TRIM14: variants seen among roughly 807,000 people sequenced by gnomAD.
The protein encoded by TRIM14 is tripartite motif containing 14, also known as tripartite motif-containing protein 14.
Under a neutral mutation model 44.5 loss-of-function variants are expected in TRIM14, and 28 were observed. The observed-to-expected ratio is 0.63, with a 90% confidence interval of 0.47 to 0.86. TRIM14 has a LOEUF of 0.86. Ranked by LOEUF, TRIM14 falls within the 40% of genes least tolerant of loss-of-function variation. The pLI is 0.00. For missense variants in TRIM14, 607 were observed against 611.1 expected (o/e 0.99, Z 0.07); for synonymous variants, 299 against 269.2 (o/e 1.11, Z -1.08).
downstream of TRIM14, among the ~76,000 whole-genome samples, chr9:98,079,626 A>T (rs1295350164): frequency 2.0e-5 from 3 of 152,226 alleles, no homozygotes; most frequent in African/African-American, 7.2e-5. Context: ...TAATGTCGAA[A>T]GTAAACATCC....
At chr9:98,105,336 C>A (rs1194235633) in intron 2 of TRIM14, among the ~76,000 whole-genome samples, 4 of 152,214 alleles carry the variant, frequency 2.6e-5, no homozygotes, top group Non-Finnish European at 5.9e-5. Context: ...GGGCTGAGCC[C>A]CGCCGACTGC....
intron 1 of TRIM14, among the ~76,000 whole-genome samples, chr9:98,114,298 T>C (rs1253765079): frequency 6.6e-6 from 1 of 152,216 alleles, no homozygotes; most frequent in Non-Finnish European, 1.5e-5. Flanking sequence ...ATTTCATCTT[T>C]GACCGTGGCT....
downstream of TRIM14, among the ~76,000 whole-genome samples, chr9:98,079,791 A>G (rs971954297): frequency 1.3e-5 from 2 of 152,178 alleles, no homozygotes; most frequent in African/African-American, 4.8e-5. Flanking sequence ...CTGCCAGCCT[A>G]TCCCATCTTG....
At chr9:98,114,806 C>A (rs1390659057) in intron 1 of TRIM14, among the ~76,000 whole-genome samples, 3 of 152,120 alleles carry the variant, frequency 2.0e-5, no homozygotes, top group African/African-American at 7.2e-5. Flanking sequence ...CTAATAAAAA[C>A]CTGAGGCATT....
rs555827785 is a variant in TRIM14 at position 98,074,039 on chromosome 9, G to T, written c.*29-4352C>A. Among the ~76,000 whole-genome samples the T allele has an allele frequency of 3.9e-5, 6 of 152,208 alleles. No homozygotes were observed. The South Asian group carries it at 1.2e-3, about 32-fold the overall frequency. ...GGGCTAAAATGATCCTCCTGCCTTG[G>T]CCTCCCAAAGTGCTGGGATTACAGG... On this transcript the variant is annotated intron_variant, in intron 6 of 6. Transcript: ENST00000375098.
At chr9:98,081,145 G>C (rs1829841668), downstream of TRIM14, 1 of 1,594,622 alleles carries the variant, frequency 6.3e-7, no homozygotes, top group South Asian at 1.1e-5. Context: ...AGGCTGGCCT[G>C]AGAGGGATGG....
intron 6 of TRIM14, among the ~76,000 whole-genome samples, chr9:98,071,628 C>T (rs1421820585): frequency 2.6e-5 from 4 of 152,188 alleles, no homozygotes; most frequent in Non-Finnish European, 5.9e-5. Context: ...CATCTGGGTA[C>T]TTGTCCTGGC....
the TRIM14 span, among the ~76,000 whole-genome samples, chr9:98,044,979 G>A: frequency 3.8e-3 from 578 of 152,104 alleles, 3 homozygotes; most frequent in East Asian, 0.021. Context: ...TGGGTATGAC[G>A]GTGCATGCCT....
At chr9:98,093,397 C>T (rs1826070203) in intron 4 of TRIM14, among the ~76,000 whole-genome samples, 1 of 152,170 alleles carries the variant, frequency 6.6e-6, no homozygotes, top group African/African-American at 2.4e-5. Context: ...TGTAAGAGCT[C>T]ATTTAATCCT....
At chr9:98,045,764 G>A in the TRIM14 span, among the ~76,000 whole-genome samples, 1 of 152,158 alleles carries the variant, frequency 6.6e-6, no homozygotes. Context: ...GACCCCCAGG[G>A]GTGCTGAGTG....
At chr9:98,060,668 C>A in the TRIM14 span, 1 of 1,050,176 alleles carries the variant, frequency 9.5e-7, no homozygotes, top group South Asian at 1.5e-5. Context: ...GAAACTCTGT[C>A]TCTAAATAAA....
intron 2 of TRIM14, among the ~76,000 whole-genome samples, chr9:98,102,770 A>C (rs1587963099): frequency 6.6e-6 from 1 of 152,242 alleles, no homozygotes; most frequent in African/African-American, 2.4e-5. Context: ...TGATGGCTAT[A>C]CAACATTGTG....
the TRIM14 span, among the ~76,000 whole-genome samples, chr9:98,050,070 T>C: frequency 2.0e-5 from 3 of 152,184 alleles, no homozygotes; most frequent in Non-Finnish European, 4.4e-5. Context: ...AGCAACTGGA[T>C]TGCTTACATT....
downstream of TRIM14, chr9:98,084,301 T>G (rs1031247856): frequency 2.0e-5 from 3 of 151,308 alleles, no homozygotes; most frequent in African/African-American, 7.3e-5. Flanking sequence ...TGTGGGGGTA[T>G]CACTGGGTGC....
At chr9:98,041,312 G>A in the TRIM14 span, among the ~76,000 whole-genome samples, 1 of 151,860 alleles carries the variant, frequency 6.6e-6, no homozygotes, top group East Asian at 1.9e-4. Context: ...AGTTGTTTTT[G>A]AAGCCAATTT....
chr9:98,101,859 T>C (rs1488136940), intron 2 of TRIM14, among the ~76,000 whole-genome samples: 2 of 152,034 alleles, frequency 1.3e-5, no homozygotes, highest in South Asian at 2.1e-4. Flanking sequence ...GAGAATAGAA[T>C]TGGGCAAGTG....
intron 4 of TRIM14, among the ~76,000 whole-genome samples, chr9:98,093,043 TACC>T (rs1826054845): frequency 6.6e-6 from 1 of 152,214 alleles, no homozygotes; most frequent in Non-Finnish European, 1.5e-5. Context: ...GCCGAGGCGA[TACC>T]ACCACATGGG....
At chr9:98,109,829 C>A (rs1261256265) in intron 2 of TRIM14, 60 bp downstream of exon 2, 1 of 1,439,278 alleles carries the variant, frequency 6.9e-7, no homozygotes, top group African/African-American at 1.4e-5. Flanking sequence ...TTGGGGGTCC[C>A]TTTTGTCTGG....
the TRIM14 span, among the ~76,000 whole-genome samples, chr9:98,053,103 G>A: frequency 6.6e-6 from 1 of 152,184 alleles, no homozygotes; most frequent in African/African-American, 2.4e-5. Context: ...ACCAGAAAGG[G>A]CTCACTCCCT....
Sources: gnomAD v4.1 joint callset for allele counts (sites outside exome capture counted in the v4.1 genomes callset) on GRCh38, gnomAD v4.1.1 for gene constraint, MANE v1.5 for transcripts, NCBI Gene and HGNC (gene_info 2026-07-23, HGNC 2026-07-21) for gene names.